BAZ2B: variants seen among roughly 807,000 people sequenced by gnomAD.
The protein encoded by BAZ2B is bromodomain adjacent to zinc finger domain 2B.
In BAZ2B, 91 loss-of-function variants were observed where a neutral mutation model predicts 246.0. The ratio of observed to expected loss-of-function variants is 0.37; its 90% CI spans 0.31 to 0.44. The LOEUF (loss-of-function observed/expected upper bound fraction) is 0.44, where lower values mean the gene tolerates loss of function less well. Ranked by LOEUF, BAZ2B falls within the 20% of genes least tolerant of loss-of-function variation. The pLI, the probability that BAZ2B is intolerant of heterozygous loss-of-function variation, is 1.00. For missense variants in BAZ2B, 2,332 were observed against 2,533.7 expected, an observed-to-expected ratio of 0.92 and a Z score of 1.71; for synonymous variants, 855 against 860.0, an observed-to-expected ratio of 0.99 and a Z score of 0.10.
the BAZ2B span, among the ~76,000 whole-genome samples, chr2:159,661,542 T>C: frequency 6.6e-6 from 1 of 152,204 alleles, no homozygotes; most frequent in Non-Finnish European, 1.5e-5. Context: ...TAAGTAGTTT[T>C]ACAATTTTAT....
chr2:159,432,942 A>C lies in BAZ2B; in HGVS notation c.1715T>G (p.Val572Gly), dbSNP rs1486695542. Residue 572 changes from valine (V) to glycine (G), a missense_variant, in exon 9 of 37, where the codon GTA becomes GGA. Around this residue, in one of 9 missense-constraint regions of BAZ2B, gnomAD observed 651 missense variants for 650.9 expected, o/e 1.00. Transcript: ENST00000392783. Reference sequence around the variant, plus strand: ...GTGATGCTGTGTTTTTACTGGGTTTACATTATTGCTAACTGCTTTTTCCTT... The same window carrying C: ...GTGATGCTGTGTTTTTACTGGGTTTCCATTATTGCTAACTGCTTTTTCCTT... The part of the protein sequence containing the change: ...QGKEKAVSNN[V>G]NPVKTQHHSH... 3.7e-6 allele frequency: 6 copies of C among 1,614,122 alleles called. No homozygotes were observed. The highest frequency in any genetic ancestry group is 5.1e-6 in the Non-Finnish European group (6 of 1,180,006).
At chr2:159,584,128 T>G (rs1294041167) in intron 1 of BAZ2B, among the ~76,000 whole-genome samples, 72 of 49,862 alleles carry the variant, frequency 1.4e-3, no homozygotes, top group African/African-American at 7.0e-3. Flanking sequence ...TGATTTAGGG[T>G]TTTTTTTTTT....
At chr2:159,538,524 C>G (rs1403033467) in intron 2 of BAZ2B, among the ~76,000 whole-genome samples, 1 of 152,178 alleles carries the variant, frequency 6.6e-6, no homozygotes, top group African/African-American at 2.4e-5. Flanking sequence ...GTTGCCCATT[C>G]CAGTTGTACA....
chr2:159,507,253 A>C (rs1229079082), intron 2 of BAZ2B, among the ~76,000 whole-genome samples: 1 of 152,190 alleles, frequency 6.6e-6, no homozygotes, highest in Non-Finnish European at 1.5e-5. Context: ...TGATACATTA[A>C]AGAGAAGTAC....
intron 2 of BAZ2B, among the ~76,000 whole-genome samples, chr2:159,501,133 TATA>T (rs2081673624): frequency 8.0e-5 from 3 of 37,556 alleles, no homozygotes; most frequent in Non-Finnish European, 2.1e-4. Context: ...AATATATATA[TATA>T]TTTTATATAT....
intron 25 of BAZ2B, among the ~76,000 whole-genome samples, chr2:159,379,692 T>C (rs1046423999): frequency 6.6e-6 from 1 of 152,178 alleles, no homozygotes; most frequent in Non-Finnish European, 1.5e-5. Flanking sequence ...TCCAACTAGA[T>C]ATTATTTTCA....
the BAZ2B span, among the ~76,000 whole-genome samples, chr2:159,667,545 A>G: frequency 6.8e-4 from 104 of 152,090 alleles, 2 homozygotes; most frequent in East Asian, 0.017. Flanking sequence ...GCAGTGAGGT[A>G]AGATTGTGCC....
At chr2:159,683,033 T>A in the BAZ2B span, among the ~76,000 whole-genome samples, 3 of 152,008 alleles carry the variant, frequency 2.0e-5, no homozygotes, top group African/African-American at 7.3e-5. Flanking sequence ...CGGAGTGCAT[T>A]TCCCCCATGG....
chr2:159,507,391 T>C (rs996630157), intron 2 of BAZ2B, among the ~76,000 whole-genome samples: 1 of 152,142 alleles, frequency 6.6e-6, no homozygotes, highest in African/African-American at 2.4e-5. Flanking sequence ...TAAACAATTA[T>C]ATCTAGAAAG....
chr2:159,422,808 A>G (rs540141815), intron 13 of BAZ2B, among the ~76,000 whole-genome samples: 8 of 152,322 alleles, frequency 5.3e-5, no homozygotes, highest in South Asian at 2.1e-4. Flanking sequence ...CACAAACTAT[A>G]TATCTGACAA....
chr2:159,683,575 T>TC, the BAZ2B span, among the ~76,000 whole-genome samples: 1 of 152,150 alleles, frequency 6.6e-6, no homozygotes, highest in South Asian at 2.1e-4. Flanking sequence ...TAAACTTGGT[T>TC]CCTTAAAATA....
rs1179510880 is a variant in BAZ2B at position 159,385,373 on chromosome 2, TA to T, written c.3472-5del. ...GTTCTCCAAGAGCTGTTTTAGCCTA[TA>T]AAAGTTTGGCATTTTTATCAGTATT... On this transcript the variant is annotated splice_polypyrimidine_tract_variant and splice_region_variant and intron_variant, in intron 22 of 36. Coordinates refer to ENST00000392783, the MANE Select transcript of BAZ2B (RefSeq NM_013450.4). 3.1e-6 allele frequency: 5 copies of T among 1,610,360 alleles called. No individual in the cohort carries two copies. Among genetic ancestry groups the T allele is most frequent in the African/African-American group, 1.3e-5 (1 of 74,802 alleles).
rs1396129996 is a variant in BAZ2B, at chr2:159,374,084, T to C, written c.4068+607A>G. 2.7e-5 allele frequency among the ~76,000 whole-genome samples: 4 copies of C among 150,650 alleles called. No individual in the cohort carries two copies. In the East Asian group the frequency reaches 7.8e-4, roughly 29 times the overall value. On this transcript the variant is annotated intron_variant, in intron 26 of 36. Coordinates refer to ENST00000392783, the MANE Select transcript of BAZ2B (RefSeq NM_013450.4). ...TTTCTTAGTTTTTTTTTCTTTTTTTTTTTTTTTTAGAGACAGGGTCTCGCC... is the reference window on the plus strand; with the variant it reads ...TTTCTTAGTTTTTTTTTCTTTTTTTCTTTTTTTTAGAGACAGGGTCTCGCC...
chr2:159,349,415 C>A, intron 28 of BAZ2B, 135 bp from the exon 29 acceptor site: 1 of 980,258 alleles, frequency 1.0e-6, no homozygotes, highest in Non-Finnish European at 1.4e-6. Context: ...AAACAAAATA[C>A]ATTAGCAACA....
intron 8 of BAZ2B, chr2:159,434,708 C>T (rs1367160096): frequency 2.0e-5 from 3 of 152,106 alleles, no homozygotes; most frequent in African/African-American, 4.8e-5. Context: ...TGAGCAAGAA[C>T]TTCTTTGAAG....
chr2:159,705,164 G>A, the BAZ2B span, among the ~76,000 whole-genome samples: 2 of 152,076 alleles, frequency 1.3e-5, no homozygotes, highest in African/African-American at 4.8e-5. Context: ...TTGACTACAG[G>A]TGTGTGCCAT....
chr2:159,557,566 A>G (rs2089336435), intron 1 of BAZ2B, among the ~76,000 whole-genome samples: 2 of 152,078 alleles, frequency 1.3e-5, no homozygotes, highest in South Asian at 4.1e-4. Context: ...ATTGTTCTCC[A>G]TATCTTCATA....
intron 13 of BAZ2B, among the ~76,000 whole-genome samples, chr2:159,415,441 T>C (rs567987541): frequency 3.7e-5 from 1 of 26,746 alleles, no homozygotes; most frequent in South Asian, 2.2e-3. Flanking sequence ...CAAGACTCCG[T>C]CTCAAAAAAA....
At chr2:159,638,390 A>G in the BAZ2B span, among the ~76,000 whole-genome samples, 8 of 152,220 alleles carry the variant, frequency 5.3e-5, no homozygotes, top group East Asian at 1.9e-4. Flanking sequence ...GACCTCACCA[A>G]ATGAACTAAG....
Sources: allele counts gnomAD v4.1 joint callset (sites outside exome capture counted in the v4.1 genomes callset), GRCh38; gene constraint gnomAD v4.1.1; regional missense constraint gnomAD v4.1.1; transcripts MANE v1.5; gene names NCBI Gene and HGNC (gene_info 2026-07-23, HGNC 2026-07-21).